Variants in PRELID2 observed in about 807,000 individuals in gnomAD.
PRELID2 encodes PRELI domain containing 2, also known as PRELI domain-containing protein 2.
Under a neutral mutation model 28.4 loss-of-function variants are expected in PRELID2, and 25 were observed. The observed-to-expected ratio is 0.88, with a 90% CI of 0.64 to 1.23. The LOEUF is 1.23. Among genes scored for constraint, PRELID2 ranks in the 50% most tolerant of loss-of-function variants. PRELID2 has a pLI of 0.00. For synonymous variants in PRELID2, 76 were observed against 71.6 expected (o/e 1.06, Z -0.31); for missense variants, 201 against 214.4 (o/e 0.94, Z 0.39).
chr5:145,277,102 C>T, the PRELID2 span, among the ~76,000 whole-genome samples: 3 of 152,030 alleles, frequency 2.0e-5, no homozygotes, highest in Non-Finnish European at 2.9e-5. Context: ...CCACACCAAG[C>T]CTAGGACTTG....
chr5:145,457,427 G>A, the PRELID2 span, among the ~76,000 whole-genome samples: 3 of 152,114 alleles, frequency 2.0e-5, no homozygotes, highest in Admixed American at 2.0e-4. Context: ...AGCAATGATT[G>A]TGGCCATAGT....
At chr5:145,827,441 G>T (rs943749144) in intron 1 of PRELID2, among the ~76,000 whole-genome samples, 1 of 152,154 alleles carries the variant, frequency 6.6e-6, no homozygotes, top group African/African-American at 2.4e-5. Context: ...GAAATAGAAA[G>T]AACAAAGGGC....
At chr5:145,591,096 GA>G (rs1308098350) in intron 1 of PRELID2, among the ~76,000 whole-genome samples, 2 of 152,076 alleles carry the variant, frequency 1.3e-5, no homozygotes, top group African/African-American at 4.8e-5. Flanking sequence ...AGGAGTTCAA[GA>G]ACAGCCTTTG....
intron 2 of PRELID2, among the ~76,000 whole-genome samples, chr5:145,821,357 T>TTGTG (rs143970672): frequency 3.5e-5 from 5 of 142,166 alleles, no homozygotes; most frequent in Admixed American, 7.0e-5. Flanking sequence ...GCCCTCGTGT[T>TTGTG]TGTGTGTGTG....
chr5:145,312,763 A>G, the PRELID2 span, among the ~76,000 whole-genome samples: 1 of 152,082 alleles, frequency 6.6e-6, no homozygotes, highest in African/African-American at 2.4e-5. Context: ...TCATCTATTG[A>G]TGACCACTTA....
chr5:145,652,055 T>G (rs1359047873), intron 1 of PRELID2, among the ~76,000 whole-genome samples: 1 of 152,132 alleles, frequency 6.6e-6, no homozygotes, highest in Non-Finnish European at 1.5e-5. Context: ...AGAGAAGTCC[T>G]TAAAAGACCT....
At chr5:145,680,632 A>G (rs1359282640) in intron 1 of PRELID2, among the ~76,000 whole-genome samples, 1 of 152,232 alleles carries the variant, frequency 6.6e-6, no homozygotes, top group Non-Finnish European at 1.5e-5. Context: ...ACACAAGTCC[A>G]TGTAATTAAG....
chr5:145,626,709 A>G (rs1561524228), intron 1 of PRELID2, among the ~76,000 whole-genome samples: 1 of 152,226 alleles, frequency 6.6e-6, no homozygotes, highest in Non-Finnish European at 1.5e-5. Context: ...TTATCAAAAA[A>G]AGATACCTGC....
chr5:145,559,096 T>C (rs896802622), intron 1 of PRELID2, among the ~76,000 whole-genome samples: 1 of 151,518 alleles, frequency 6.6e-6, no homozygotes, highest in Non-Finnish European at 1.5e-5. Flanking sequence ...CTACTAAAAA[T>C]ACAAAAAAAT....
chr5:145,317,702 C>A, the PRELID2 span, among the ~76,000 whole-genome samples: 36 of 152,292 alleles, frequency 2.4e-4, no homozygotes, highest in Non-Finnish European at 4.9e-4. Context: ...GACTCCAGCT[C>A]ACTCCAGAAA....
chr5:145,403,349 G>A, the PRELID2 span, among the ~76,000 whole-genome samples: 1 of 152,268 alleles, frequency 6.6e-6, no homozygotes, highest in Non-Finnish European at 1.5e-5. Context: ...GCCAGCCTGG[G>A]CAACATAGTG....
At chr5:145,283,327 T>C in the PRELID2 span, among the ~76,000 whole-genome samples, 8 of 152,230 alleles carry the variant, frequency 5.3e-5, no homozygotes, top group Admixed American at 2.0e-4. Flanking sequence ...GGGGGAAAGA[T>C]TGTCAAGCCA....
At chr5:145,719,293 T>A (rs1002883046) in intron 1 of PRELID2, among the ~76,000 whole-genome samples, 1 of 151,860 alleles carries the variant, frequency 6.6e-6, no homozygotes, top group East Asian at 1.9e-4. Context: ...TGAAAAAATT[T>A]AACAAGAAGA....
the PRELID2 span, among the ~76,000 whole-genome samples, chr5:145,375,019 C>T: frequency 2.6e-5 from 4 of 152,106 alleles, no homozygotes; most frequent in African/African-American, 9.7e-5. Context: ...CAGTTCTGTG[C>T]CCTTGCTGGA....
the PRELID2 span, among the ~76,000 whole-genome samples, chr5:145,277,040 C>A: frequency 6.6e-6 from 1 of 151,998 alleles, no homozygotes; most frequent in African/African-American, 2.4e-5. Context: ...TGAATGATGC[C>A]ACAGAGTAGA....
the PRELID2 span, among the ~76,000 whole-genome samples, chr5:145,300,574 G>A: frequency 6.6e-6 from 1 of 151,524 alleles, no homozygotes; most frequent in Admixed American, 6.6e-5. Flanking sequence ...AAGGAATGAT[G>A]GAATTAAAAT....
chr5:145,412,121 G>A, the PRELID2 span, among the ~76,000 whole-genome samples: 1 of 152,134 alleles, frequency 6.6e-6, no homozygotes, highest in Admixed American at 6.5e-5. Context: ...ACGCCCTGGA[G>A]ACATTTTCCC....
intron 1 of PRELID2, among the ~76,000 whole-genome samples, chr5:145,693,912 G>T (rs182756269): frequency 6.6e-6 from 1 of 152,128 alleles, no homozygotes; most frequent in Non-Finnish European, 1.5e-5. Flanking sequence ...GATAGGGAGG[G>T]AGCAAATCAC....
the PRELID2 span, among the ~76,000 whole-genome samples, chr5:145,326,326 G>A: frequency 5.9e-5 from 9 of 152,158 alleles, no homozygotes; most frequent in Admixed American, 5.2e-4. Context: ...TAAAGTGTCA[G>A]TTCTCCCCCA....
Sources: gnomAD v4.1 joint callset for allele counts (sites outside exome capture counted in the v4.1 genomes callset) on GRCh38, gnomAD v4.1.1 for gene constraint, MANE v1.5 for transcripts, NCBI Gene and HGNC (gene_info 2026-07-23, HGNC 2026-07-21) for gene names.